The following MCM8 variants were observed in gnomAD, a reference collection of about 807,000 sequenced individuals.
The protein encoded by MCM8 is minichromosome maintenance 8 homologous recombination repair factor.
Under a neutral mutation model 98.9 loss-of-function variants are expected in MCM8, and 85 were observed. The ratio of observed to expected loss-of-function variants is 0.86; its 90% CI spans 0.72 to 1.03. The LOEUF is 1.03. MCM8 is among the 50% of genes least tolerant of loss of function. The pLI is 0.00. For synonymous variants in MCM8, 352 were observed against 338.6 expected (o/e 1.04, Z -0.44); for missense variants, 951 against 997.8 (o/e 0.95, Z 0.63).
At chr20:5,955,062 A>C in intron 4 of MCM8, 40 bp from the exon 5 acceptor site, 2 of 1,447,652 alleles carry the variant, frequency 1.4e-6, no homozygotes, top group Non-Finnish European at 1.9e-6. Flanking sequence ...AATTGACTAC[A>C]GAAAAGCAAT....
intron 9 of MCM8, 102 bp downstream of exon 9, chr20:5,967,689 T>G: frequency 1.4e-6 from 2 of 1,417,182 alleles, no homozygotes; most frequent in Non-Finnish European, 1.9e-6. Context: ...AGGAATTTCT[T>G]GTTGCTTACA....
chr20:5,960,764 C>T (rs920901675), intron 7 of MCM8, among the ~76,000 whole-genome samples: 9 of 152,144 alleles, frequency 5.9e-5, no homozygotes, highest in South Asian at 4.1e-4. Context: ...GGAGAGACCC[C>T]ATCTCTACTA....
chr20:5,967,566 A>C lies in MCM8; in HGVS notation c.1006A>C (p.Lys336Gln), dbSNP rs774191145. The change falls in exon 9 of 19, where the codon AAA (lysine) becomes CAA (glutamine). Residue 336 changes from lysine to glutamine, a missense_variant. Physicochemically the swap from Lys to Gln is moderately conservative, Grantham distance 53. Transcript: ENST00000610722. ...CACAGTGACTATTACTGGAATTGTC[A>C]AAGTCTCAAATGCGGAAGAAGGTAG... ...GDTVTITGIV[K>Q]VSNAEEGSRN... 2 of 1,612,576 alleles carry C rather than the reference A, an allele frequency of 1.2e-6. No homozygotes were observed. The highest frequency in any genetic ancestry group is 1.1e-5 in the South Asian group (1 of 90,868).
intron 5 of MCM8, among the ~76,000 whole-genome samples, chr20:5,956,861 G>T (rs963615905): frequency 6.6e-6 from 1 of 151,856 alleles, no homozygotes; most frequent in African/African-American, 2.4e-5. Context: ...TAATGTAAGG[G>T]CTTTTAATGT....
At chr20:5,976,648 C>T (rs1367614660) in intron 12 of MCM8, among the ~76,000 whole-genome samples, 3 of 152,300 alleles carry the variant, frequency 2.0e-5, no homozygotes, top group South Asian at 2.1e-4. Flanking sequence ...CCATGCACTG[C>T]GCGTGCCCCC....
chr20:5,972,475 G>T, intron 11 of MCM8: 1 of 267,428 alleles, frequency 3.7e-6, no homozygotes, highest in South Asian at 3.4e-5. Flanking sequence ...CCAAAGTGCT[G>T]GGATTATAGG....
intron 15 of MCM8, among the ~76,000 whole-genome samples, chr20:5,985,482 G>C (rs2089713556): frequency 6.7e-6 from 1 of 150,214 alleles, no homozygotes; most frequent in Non-Finnish European, 1.5e-5. Flanking sequence ...GCTAAGATGA[G>C]ACCTACAGAT....
intron 16 of MCM8, among the ~76,000 whole-genome samples, chr20:5,986,812 A>G (rs2089743722): frequency 6.6e-6 from 1 of 152,164 alleles, no homozygotes; most frequent in South Asian, 2.1e-4. Flanking sequence ...TTCATAGTCA[A>G]GGTTTCACAG....
intron 14 of MCM8, among the ~76,000 whole-genome samples, chr20:5,983,699 CAAAA>C (rs112909784): frequency 1.4e-5 from 2 of 143,438 alleles, no homozygotes; most frequent in African/African-American, 5.1e-5. Context: ...GACGCCATGT[CAAAA>C]AAAAAAGAAA....
chr20:5,969,397 A>G (rs2089350906), intron 10 of MCM8, among the ~76,000 whole-genome samples: 1 of 152,090 alleles, frequency 6.6e-6, no homozygotes, highest in South Asian at 2.1e-4. Flanking sequence ...TTCGAGACCA[A>G]CCGGACCAAT....
intron 14 of MCM8, among the ~76,000 whole-genome samples, chr20:5,983,551 T>C (rs2089671722): frequency 6.6e-6 from 1 of 152,036 alleles, no homozygotes; most frequent in South Asian, 2.1e-4. Context: ...AATACAAAAA[T>C]TAGCCAGGCA....
In MCM8 at chr20:5,967,923, A is replaced by G. The variant is rs770918744; in HGVS notation, c.1121A>G (p.Glu374Gly). 5 of 1,614,138 alleles carry G rather than the reference A, an allele frequency of 3.1e-6. No individual in the cohort carries two copies. The highest frequency in any genetic ancestry group is 4.2e-6 in the Non-Finnish European group (5 of 1,179,974). ...NSKGQKTKSS[E>G]DGCKHGMLME... ...AAAGGACAGAAAACAAAGAGTTCTG[A>G]GGATGGGTGTAAGCATGGAATGTTG... The change falls in exon 10 of 19, where the codon GAG becomes GGG. Residue 374 changes from glutamate (E) to glycine (G), a missense_variant. Transcript: ENST00000610722.
intron 15 of MCM8, among the ~76,000 whole-genome samples, chr20:5,985,434 A>G (rs1485782634): frequency 4.2e-5 from 5 of 119,984 alleles, no homozygotes; most frequent in Non-Finnish European, 8.0e-5. Flanking sequence ...ACAGAGCGAG[A>G]CTGTCTCAAA....
rs147243552 is a variant in MCM8, at chr20:5,978,562, C to T, written c.1537+545C>T. 8.7e-3 allele frequency among the ~76,000 whole-genome samples: 1,321 copies of T among 152,156 alleles called. 16 individuals are homozygous for T. Among genetic ancestry groups the T allele is most frequent in the African/African-American group, 0.03 (1,227 of 41,538 alleles). Reference sequence around the variant, plus strand: ...AATAGGAGATTACAGGTGTTACTTTCGATGTTTTTTTCTTTTTATGAGACA... The same window carrying T: ...AATAGGAGATTACAGGTGTTACTTTTGATGTTTTTTTCTTTTTATGAGACA... On this transcript the variant is annotated intron_variant, in intron 13 of 18. Coordinates refer to ENST00000610722, the MANE Select transcript of MCM8 (RefSeq NM_032485.6).
chr20:5,957,041 A>G (rs894939457), intron 5 of MCM8, 85 bp from the exon 6 acceptor site: 4 of 756,226 alleles, frequency 5.3e-6, no homozygotes, highest in Admixed American at 6.4e-5. Flanking sequence ...CTGTCCATAA[A>G]CTTTATATTC....
intron 10 of MCM8, among the ~76,000 whole-genome samples, chr20:5,968,948 C>T (rs2122726503): frequency 6.6e-6 from 1 of 152,292 alleles, no homozygotes; most frequent in South Asian, 2.1e-4. Context: ...AAAGTATAGG[C>T]ATTTTTTGCT....
At chr20:5,961,811 A>G (rs997128036) in intron 7 of MCM8, among the ~76,000 whole-genome samples, 19 of 152,024 alleles carry the variant, frequency 1.2e-4, no homozygotes, top group African/African-American at 3.4e-4. Flanking sequence ...GCATTGACTC[A>G]TGTGTGATGT....
At chr20:5,956,486 T>C (rs1276773598) in intron 5 of MCM8, among the ~76,000 whole-genome samples, 1 of 152,198 alleles carries the variant, frequency 6.6e-6, no homozygotes, top group African/African-American at 2.4e-5. Flanking sequence ...AGTGCAATGG[T>C]GTGATCTTGC....
chr20:5,997,857 G>A lies in MCM8; in HGVS notation c.*3466G>A, dbSNP rs961903740. 14 of 152,244 alleles carry A rather than the reference G, an allele frequency of 9.2e-5. No individual in the cohort carries two copies. Among genetic ancestry groups the A allele is most frequent in the African/African-American group, 3.4e-4 (14 of 41,452 alleles). 9.4% of individuals were successfully genotyped at this position (152,244 alleles called of 1,614,324 possible). A position where few individuals can be genotyped will look rare whatever the true frequency, so the allele number is the denominator to read the frequency against. ...GCTTCCTGAGTAGCTGAGACTACAG[G>A]TGTGAGCCACCATGCCCAGCCTCCT... On this transcript the variant is annotated 3_prime_UTR_variant, in exon 19 of 19. Transcript: ENST00000610722.
Sources: gnomAD v4.1 joint callset for allele counts (sites outside exome capture counted in the v4.1 genomes callset) on GRCh38, gnomAD v4.1.1 for gene constraint, MANE v1.5 for transcripts, NCBI Gene and HGNC (gene_info 2026-07-23, HGNC 2026-07-21) for gene names.